Variants in THSD4 observed in about 807,000 individuals in gnomAD.
THSD4 encodes the protein thrombospondin type 1 domain containing 4.
A neutral mutation model predicts 119.0 loss-of-function variants in THSD4; 69 were observed. That is an observed-to-expected ratio of 0.58 (90% CI 0.48 to 0.71). The LOEUF (loss-of-function observed/expected upper bound fraction) is 0.71. THSD4 is among the 30% of genes least tolerant of loss of function. THSD4 has a pLI of 0.00. For synonymous variants in THSD4, 524 were observed against 540.4 expected (o/e 0.97, Z 0.42); for missense variants, 1,393 against 1,391.1 (o/e 1.00, Z -0.02).
intron 7 of THSD4, among the ~76,000 whole-genome samples, chr15:71,657,076 G>A (rs1320108492): frequency 6.7e-6 from 1 of 150,112 alleles, no homozygotes; most frequent in Non-Finnish European, 1.5e-5. Context: ...ACTTTCTAAA[G>A]GAGATTTGAT....
chr15:71,593,919 C>T (rs1303608909), intron 7 of THSD4, among the ~76,000 whole-genome samples: 6 of 149,656 alleles, frequency 4.0e-5, no homozygotes, highest in South Asian at 2.1e-4. Flanking sequence ...CCCACCCCCC[C>T]GGCAAAAAAA....
chr15:71,209,825 G>C (rs1386672936), intron 3 of THSD4, among the ~76,000 whole-genome samples: 1 of 152,122 alleles, frequency 6.6e-6, no homozygotes, highest in African/African-American at 2.4e-5. Context: ...GGTCTTTCCT[G>C]TGCTATTCTT....
intron 6 of THSD4, among the ~76,000 whole-genome samples, chr15:71,370,873 G>A (rs2046036378): frequency 6.6e-6 from 1 of 152,192 alleles, no homozygotes; most frequent in Admixed American, 6.5e-5. Context: ...GATGTTGACA[G>A]TGGGGTGTTA....
At position 71,782,220 on chromosome 15, in the gene THSD4, C is replaced by A. The variant is rs544399398; in HGVS notation, c.*4846C>A. On this transcript the variant is annotated 3_prime_UTR_variant, in exon 18 of 18. Transcript: ENST00000261862. ...ACTCCCTGCACCCTGAACCACCCCCCATTCCTGTTCATTTCAGCAGATAAT... is the reference window on the plus strand; with the variant it reads ...ACTCCCTGCACCCTGAACCACCCCCAATTCCTGTTCATTTCAGCAGATAAT... 314 of 151,266 alleles carry A rather than the reference C, an allele frequency of 2.1e-3. 5 individuals carry two copies. The South Asian group carries it at 0.021, about 10-fold the overall frequency. The allele number at this position is 151,266 out of a possible 1,614,324, so 9.4% of individuals were successfully genotyped here.
At chr15:71,297,366 C>T (rs1424741070) in intron 6 of THSD4, among the ~76,000 whole-genome samples, 5 of 149,520 alleles carry the variant, frequency 3.3e-5, no homozygotes, top group African/African-American at 1.2e-4. Context: ...GACGGAATCT[C>T]GCTCTGTAAC....
chr15:71,107,567 G>T (rs1230461928), intron 1 of THSD4, among the ~76,000 whole-genome samples: 1 of 152,178 alleles, frequency 6.6e-6, no homozygotes, highest in Non-Finnish European at 1.5e-5. Flanking sequence ...CCATTGTGTG[G>T]TATTTTCCAC....
At chr15:71,239,155 A>G (rs746590961) in intron 4 of THSD4, among the ~76,000 whole-genome samples, 2 of 152,228 alleles carry the variant, frequency 1.3e-5, no homozygotes, top group East Asian at 1.9e-4. Context: ...CTCTTAAGTC[A>G]TTTAATCTTT....
intron 8 of THSD4, among the ~76,000 whole-genome samples, chr15:71,709,468 T>C (rs1272221058): frequency 6.6e-6 from 1 of 152,150 alleles, no homozygotes; most frequent in Admixed American, 6.5e-5. Context: ...TGCTCTCCTG[T>C]GCCATGATCA....
intron 1 of THSD4, among the ~76,000 whole-genome samples, chr15:71,119,419 A>G (rs1473960454): frequency 1.3e-5 from 2 of 152,154 alleles, no homozygotes; most frequent in South Asian, 2.1e-4. Flanking sequence ...ATGTGGTTCT[A>G]GCGACAGGTG....
At chr15:71,438,837 T>C (rs1444186361) in intron 7 of THSD4, among the ~76,000 whole-genome samples, 1 of 152,244 alleles carries the variant, frequency 6.6e-6, no homozygotes, top group Non-Finnish European at 1.5e-5. Context: ...AATGGAAACC[T>C]TTCTTTGTTC....
intron 6 of THSD4, among the ~76,000 whole-genome samples, chr15:71,387,274 C>CTCAGGTGTTAGGGAAACATTTACA (rs1392474213): frequency 6.6e-6 from 1 of 151,706 alleles, no homozygotes; most frequent in Admixed American, 6.6e-5. Flanking sequence ...TCTGGGTGAA[C>CTCAGGTGTTAGGGAAACATTTACA]TCAGGTGTTA....
chr15:71,513,993 G>A (rs959287330), intron 7 of THSD4, among the ~76,000 whole-genome samples: 9 of 152,150 alleles, frequency 5.9e-5, no homozygotes, highest in African/African-American at 2.2e-4. Flanking sequence ...AAGTCAGAAA[G>A]TAGTTGCCTC....
intron 4 of THSD4, among the ~76,000 whole-genome samples, chr15:71,233,221 T>C (rs1290051337): frequency 6.6e-6 from 1 of 152,236 alleles, no homozygotes; most frequent in African/African-American, 2.4e-5. Flanking sequence ...AGTGTATTTA[T>C]AAGTGGGCAT....
At chr15:71,720,823 G>A (rs904504403) in intron 8 of THSD4, among the ~76,000 whole-genome samples, 2 of 152,214 alleles carry the variant, frequency 1.3e-5, no homozygotes, top group African/African-American at 4.8e-5. Context: ...CGGTTTGTTC[G>A]GCTACTTACC....
Position 71,393,799 on chromosome 15 carries a change from GC to G in THSD4, c.1016-17887del, listed in dbSNP as rs1457052473. Among the ~76,000 whole-genome samples, 5 of 152,306 alleles carry G rather than the reference GC, an allele frequency of 3.3e-5. No individual in the cohort carries two copies. The South Asian group carries it at 1.0e-3, about 32-fold the overall frequency. On this transcript the variant is annotated intron_variant, in intron 6 of 17. Coordinates refer to ENST00000261862, the MANE Select transcript of THSD4 (RefSeq NM_024817.3). ...GAGGAGTCTCTATCTGTGACCTTGAGCAGCTCCAGGGCCTTCCGGAGCCTCC... is the reference window on the plus strand; with the variant it reads ...GAGGAGTCTCTATCTGTGACCTTGAGAGCTCCAGGGCCTTCCGGAGCCTCC...
intron 8 of THSD4, among the ~76,000 whole-genome samples, chr15:71,686,792 C>T (rs2141041790): frequency 6.6e-6 from 1 of 152,308 alleles, no homozygotes; most frequent in Non-Finnish European, 1.5e-5. Context: ...TCCCTATGGA[C>T]ACTGTCACAA....
chr15:71,685,474 A>T (rs571129837), intron 8 of THSD4, among the ~76,000 whole-genome samples: 1 of 152,276 alleles, frequency 6.6e-6, no homozygotes, highest in South Asian at 2.1e-4. Context: ...CAGTTTTTTT[A>T]AAGTAACTAT....
Position 71,388,192 on chromosome 15 carries a change from T to A in THSD4, c.1016-23495T>A, listed in dbSNP as rs188584148. ...AGAAAGAGGCAATCAGTTTGCGTTT[T>A]TAACACTCTTGAGGGCTTCTTAAAT... On this transcript the variant is annotated intron_variant, in intron 6 of 17. Coordinates refer to ENST00000261862, the MANE Select transcript of THSD4 (RefSeq NM_024817.3). 2.2e-3 allele frequency among the ~76,000 whole-genome samples: 335 copies of A among 152,374 alleles called. 4 individuals are homozygous for A. Among genetic ancestry groups the A allele is most frequent in the Non-Finnish European group, 9.7e-4 (66 of 68,038 alleles).
intron 7 of THSD4, among the ~76,000 whole-genome samples, chr15:71,439,557 T>C (rs1325796468): frequency 6.6e-6 from 1 of 152,164 alleles, no homozygotes. Context: ...TAAAGACACA[T>C]GCACATCTAT....
Sources: allele counts gnomAD v4.1 joint callset (sites outside exome capture counted in the v4.1 genomes callset), GRCh38; gene constraint gnomAD v4.1.1; transcripts MANE v1.5; gene names NCBI Gene and HGNC (gene_info 2026-07-23, HGNC 2026-07-21).